The following STAB1 variants were observed in gnomAD, a reference collection of about 807,000 sequenced individuals.
STAB1 encodes the protein stabilin-1.
In STAB1, 250 loss-of-function variants were observed where a neutral mutation model predicts 332.4. The ratio of observed to expected loss-of-function variants is 0.75; its 90% CI spans 0.68 to 0.84. The LOEUF (loss-of-function observed/expected upper bound fraction) is 0.84. Ranked by LOEUF, STAB1 falls within the 40% of genes least tolerant of loss-of-function variation. The pLI, the probability that STAB1 is intolerant of heterozygous loss-of-function variation, is 0.00. For missense variants in STAB1, 3,249 were observed against 3,489.7 expected, an observed-to-expected ratio of 0.93 and a Z score of 1.74; for synonymous variants, 1,475 against 1,390.4, an observed-to-expected ratio of 1.06 and a Z score of -1.35.
intron 38 of STAB1, 47 bp from the exon 39 acceptor site, chr3:52,516,309 A>G (rs997286462): frequency 1.2e-6 from 2 of 1,605,840 alleles, no homozygotes; most frequent in Non-Finnish European, 1.7e-6. Context: ...CAGCCGGGAC[A>G]GGATGGAGGC....
In STAB1 at chr3:52,503,463, C is replaced by T. The variant is rs143940260; in HGVS notation, c.814C>T (p.Pro272Ser). The T allele has an allele frequency of 8.4e-5, 135 of 1,613,694 alleles. No individual in the cohort carries two copies. Among genetic ancestry groups the T allele is most frequent in the Non-Finnish European group, 1.1e-4 (127 of 1,180,036 alleles). ...CCATGGCGATGGGATGGTGTGTCTG[C>T]CCAAGGACCCATGCACTGACAACCT... ...NYHGDGMVCL[P>S]KDPCTDNLGG... The change falls in exon 8 of 69, where the codon CCC becomes TCC. Residue 272 changes from proline (P) to serine (S), a missense_variant. Transcript: ENST00000321725.
At chr3:52,495,564 T>C in intron 1 of STAB1, 73 bp downstream of exon 1, 1 of 1,223,774 alleles carries the variant, frequency 8.2e-7, no homozygotes, top group South Asian at 3.8e-5. Flanking sequence ...AGGGAGGGAC[T>C]GACATGGAGG....
At chr3:52,499,227 C>T (rs948765135) in intron 1 of STAB1, among the ~76,000 whole-genome samples, 5 of 152,256 alleles carry the variant, frequency 3.3e-5, no homozygotes, top group Non-Finnish European at 7.3e-5. Context: ...CCCTTCCTCC[C>T]ACTAGAACTG....
chr3:52,501,332 C>T, intron 2 of STAB1, 30 bp downstream of exon 2: 1 of 1,601,504 alleles, frequency 6.2e-7, no homozygotes, highest in Non-Finnish European at 8.5e-7. Context: ...TTGCCTGTGT[C>T]CAGGAGCATC....
At chr3:52,505,510 C>T in intron 14 of STAB1, 129 bp downstream of exon 14, 1 of 1,214,902 alleles carries the variant, frequency 8.2e-7, no homozygotes, top group Non-Finnish European at 1.2e-6. Context: ...ATGCCCCCGT[C>T]CTCAAGCCTG....
At chr3:52,504,579 A>G in intron 11 of STAB1, 30 bp downstream of exon 11, 1 of 1,613,190 alleles carries the variant, frequency 6.2e-7, no homozygotes, top group Non-Finnish European at 8.5e-7. Context: ...GGAGCTGGCC[A>G]CTGGCCCTCA....
At chr3:52,518,082 C>T in intron 45 of STAB1, 79 bp downstream of exon 45, 7 of 1,534,944 alleles carry the variant, frequency 4.6e-6, no homozygotes, top group Non-Finnish European at 6.1e-6. Context: ...GGCAAAGATC[C>T]GATTTGATCC....
chr3:52,518,423 A>G, intron 46 of STAB1, 64 bp downstream of exon 46: 1 of 1,588,014 alleles, frequency 6.3e-7, no homozygotes, highest in East Asian at 2.3e-5. Flanking sequence ...TTCTGTCCCC[A>G]TCTGGTCAGG....
chr3:52,505,737 G>C lies in STAB1; in HGVS notation c.1651G>C (p.Val551Leu). The change falls in exon 15 of 69, where the codon GTG becomes CTG. Residue 551 changes from valine to leucine, a missense_variant. Physicochemically the swap from Val to Leu is conservative, Grantham distance 32. Coordinates refer to ENST00000321725, the MANE Select transcript of STAB1 (RefSeq NM_015136.3). The stretch of plus-strand genomic sequence containing the variant: ...AGTCTTTGCCCCAAGCAATGAGGCT[G>C]TGGACAGCTTGCGTGACGGCCGCCT... Reference protein sequence around the residue: ...FTVFAPSNEAVDSLRDGRLIY... With the variant: ...FTVFAPSNEALDSLRDGRLIY... 3 of 1,613,928 alleles carry C rather than the reference G, an allele frequency of 1.9e-6. No individual in the cohort carries two copies. Among genetic ancestry groups the C allele is most frequent in the Non-Finnish European group, 2.5e-6 (3 of 1,180,042 alleles).
rs560610713 is a variant in STAB1, at chr3:52,495,412, C to G, written c.-2C>G. ...CTGTCCTGGACAGCGTGCCCACCAG[C>G]CATGGCGGGGCCCCGGGGCCTCCTC... On this transcript the variant is annotated 5_prime_UTR_variant, in exon 1 of 69. Coordinates refer to ENST00000321725, the MANE Select transcript of STAB1 (RefSeq NM_015136.3). 4.9e-5 allele frequency: 66 copies of G among 1,341,208 alleles called. No homozygotes were observed. In the East Asian group the frequency reaches 1.8e-3, roughly 37 times the overall value. The allele number at this position is 1,341,208 out of a possible 1,614,324, so 83.1% of individuals were successfully genotyped here.
chr3:52,520,805 G>C lies in STAB1; in HGVS notation c.5708G>C (p.Gly1903Ala). The C allele has an allele frequency of 1.2e-6, 2 of 1,612,748 alleles. No individual in the cohort carries two copies. The highest frequency in any genetic ancestry group is 2.7e-5 in the African/African-American group (2 of 75,062). ...TGCGGCCTGACTCCTTTGGCCCAGGGCAGCCCTGAGGCCTGCTGGCGCTTC... is the reference window on the plus strand; with the variant it reads ...TGCGGCCTGACTCCTTTGGCCCAGGCCAGCCCTGAGGCCTGCTGGCGCTTC... ...PPCPEGSQEQ[G>A]SPEACWRFYP... Residue 1903 changes from glycine to alanine, a missense_variant and splice_region_variant, in exon 55 of 69, where the codon GGC becomes GCC. Gly to Ala is a moderately conservative substitution (Grantham distance 60). Coordinates refer to ENST00000321725, the MANE Select transcript of STAB1 (RefSeq NM_015136.3).
rs767479610 is a variant in STAB1, at chr3:52,512,447, C to T, written c.2979+11C>T. On this transcript the variant is annotated intron_variant, in intron 27 of 68. Transcript: ENST00000321725. ...GGAGACATCTTCCGGGTAAGGGGTG[C>T]TCAGACTCGTTTTCTGTCTTCCCCG... The T allele has an allele frequency of 6.2e-6, 10 of 1,610,124 alleles. No individual in the cohort carries two copies. The African/African-American group carries it at 1.2e-4, about 19-fold the overall frequency.
rs1708514956 is a variant in STAB1, at chr3:52,502,342, G to A, written c.487+114G>A. 18 of 1,158,210 alleles carry A rather than the reference G, an allele frequency of 1.6e-5. No homozygotes were observed. The South Asian group carries it at 2.4e-4, about 15-fold the overall frequency. The allele number at this position is 1,158,210 out of a possible 1,614,324, so 71.7% of individuals were successfully genotyped here. On this transcript the variant is annotated intron_variant, in intron 5 of 68. Coordinates refer to ENST00000321725, the MANE Select transcript of STAB1 (RefSeq NM_015136.3). ...CTTCAGCCTCTGTCCCAGCCCCTCAGATTTGCACATCCCTTTCAGGAACAT... is the reference window on the plus strand; with the variant it reads ...CTTCAGCCTCTGTCCCAGCCCCTCAAATTTGCACATCCCTTTCAGGAACAT...
chr3:52,510,666 C>T (rs1015997018), intron 25 of STAB1, among the ~76,000 whole-genome samples, 159 bp downstream of exon 25: 5 of 152,188 alleles, frequency 3.3e-5, no homozygotes, highest in Admixed American at 6.5e-5. Context: ...ATCTGGGATT[C>T]GCTCCTTCAT....
chr3:52,506,638 C>T, intron 17 of STAB1, 54 bp from the exon 18 acceptor site: 1 of 1,541,840 alleles, frequency 6.5e-7, no homozygotes, highest in Non-Finnish European at 8.7e-7. Flanking sequence ...TGGGCAGCCC[C>T]ACCGGGCCAA....
chr3:52,523,518 C>A lies in STAB1; in HGVS notation c.7232C>A (p.Ser2411Ter). The change falls in exon 65 of 69, where the codon TCA becomes TAA. Residue 2411 changes from serine (S) to a stop codon, truncating the protein, a stop_gained. Coordinates refer to ENST00000321725, the MANE Select transcript of STAB1 (RefSeq NM_015136.3). LOFTEE classifies it high-confidence loss of function. ...ASQGKLLPAH[S>*]GLSLIISDAG... is the part of the protein sequence containing the mutation. ...CAGGGGAAGTTGCTTCCGGCCCACTCAGGCCTCAGCCTCATCATCAGTGAC... is the reference window on the plus strand; with the variant it reads ...CAGGGGAAGTTGCTTCCGGCCCACTAAGGCCTCAGCCTCATCATCAGTGAC... 3 of 1,612,860 alleles carry A rather than the reference C, an allele frequency of 1.9e-6. No individual in the cohort carries two copies. Among genetic ancestry groups the A allele is most frequent in the Non-Finnish European group, 1.7e-6 (2 of 1,179,936 alleles).
intron 18 of STAB1, among the ~76,000 whole-genome samples, chr3:52,507,365 C>G (rs1708953426): frequency 6.6e-6 from 1 of 152,150 alleles, no homozygotes; most frequent in Non-Finnish European, 1.5e-5. Context: ...CTTGCATCCT[C>G]CACCGCTCCA....
chr3:52,510,540 G>T (rs773516470), intron 25 of STAB1, 33 bp downstream of exon 25: 2 of 1,596,460 alleles, frequency 1.3e-6, no homozygotes, highest in African/African-American at 2.7e-5. Flanking sequence ...TGGGGGCCTT[G>T]GTTCTGGGGG....
intron 8 of STAB1, 108 bp from the exon 9 acceptor site, chr3:52,503,664 T>A (rs962183821): frequency 1.3e-6 from 2 of 1,561,524 alleles, no homozygotes; most frequent in Admixed American, 1.8e-5. Flanking sequence ...GGGGAGAGGA[T>A]AAGGGTCCTC....
Sources: gnomAD v4.1 joint callset for allele counts (sites outside exome capture counted in the v4.1 genomes callset) on GRCh38, gnomAD v4.1.1 for gene constraint, MANE v1.5 for transcripts, NCBI Gene and HGNC (gene_info 2026-07-23, HGNC 2026-07-21) for gene names.